The following FN1 variants were observed in gnomAD, a reference collection of about 807,000 sequenced individuals.
FN1 encodes fibronectin 1.
In FN1, 106 loss-of-function variants were observed where a neutral mutation model predicts 297.3. The observed-to-expected ratio is 0.36, with a 90% CI of 0.30 to 0.42. The LOEUF (loss-of-function observed/expected upper bound fraction) is 0.42. FN1 is among the 10% of genes least tolerant of loss of function. FN1 has a pLI of 1.00. For synonymous variants in FN1, 1,149 were observed against 1,152.6 expected, an observed-to-expected ratio of 1.00 and a Z score of 0.06; for missense variants, 2,690 against 3,124.9, an observed-to-expected ratio of 0.86 and a Z score of 3.32.
intron 32 of FN1, chr2:215,381,738 C>T: frequency 4.7e-6 from 1 of 213,276 alleles, no homozygotes; most frequent in East Asian, 1.2e-4. Flanking sequence ...TCCCAAAATG[C>T]TGGGATTACA....
chr2:215,420,993 AT>A (rs567667480), intron 10 of FN1, 192 bp from the exon 11 acceptor site: 13 of 595,056 alleles, frequency 2.2e-5, no homozygotes, highest in African/African-American at 1.3e-4. Context: ...TGCCAAAAAA[AT>A]TTTTTTCTTC....
chr2:215,410,231 T>G (rs1318810277), intron 13 of FN1, 117 bp from the exon 14 acceptor site: 3 of 1,014,564 alleles, frequency 3.0e-6, no homozygotes, highest in African/African-American at 1.6e-5. Context: ...CTTAGGCAGC[T>G]CCATTCTAGA....
At position 215,372,696 on chromosome 2, in the gene FN1, TTC is replaced by T. The variant is rs148921427; in HGVS notation, c.6248-323_6248-322del. Among the ~76,000 whole-genome samples the T allele has an allele frequency of 0.03, 4,569 of 152,324 alleles. 224 individuals are homozygous for T. Among genetic ancestry groups the T allele is most frequent in the African/African-American group, 0.11 (4,364 of 41,550 alleles). On this transcript the variant is annotated intron_variant, in intron 39 of 45. Transcript: ENST00000354785. ...GAACTGAAATGTGCAGTCTTTCTCT[TTC>T]TCTCTTTCTTTTTTAAATTTGAGAA...
Position 215,383,949 on chromosome 2 carries a change from C to T in FN1, c.4894+71G>A, listed in dbSNP as rs561037186. 38 of 1,536,628 alleles carry T rather than the reference C, an allele frequency of 2.5e-5. No homozygotes were observed. The South Asian group carries it at 3.8e-4, about 15-fold the overall frequency. On this transcript the variant is annotated intron_variant, in intron 30 of 45. Transcript: ENST00000354785. ...ATCTATTCTACAATTAGAAAAATAC[C>T]TTGGGAGAACATTGCAAAACAGTAT...
intron 40 of FN1, 33 bp downstream of exon 40, chr2:215,371,876 G>A: frequency 6.4e-7 from 1 of 1,559,982 alleles, no homozygotes; most frequent in Non-Finnish European, 8.8e-7. Flanking sequence ...TTTCTGTGCT[G>A]CCCCATGAGA....
chr2:215,369,005 A>G (rs1274389929), intron 41 of FN1, among the ~76,000 whole-genome samples: 3 of 152,170 alleles, frequency 2.0e-5, no homozygotes, highest in African/African-American at 7.2e-5. Context: ...AAAAGGTGTC[A>G]CCCTTAAAGA....
intron 32 of FN1, chr2:215,381,294 T>C: frequency 1.7e-6 from 1 of 597,538 alleles, no homozygotes; most frequent in Non-Finnish European, 3.0e-6. Context: ...TAGGTGTATG[T>C]GAGATAAGCA....
At chr2:215,387,047 G>A (rs2059119479) in intron 27 of FN1, 89 bp from the exon 28 acceptor site, 3 of 1,198,472 alleles carry the variant, frequency 2.5e-6, no homozygotes, top group East Asian at 2.6e-5. Context: ...GGAAATTAAC[G>A]TACATCCAAC....
intron 24 of FN1, 45 bp downstream of exon 24, chr2:215,394,483 T>C (rs889016773): frequency 1.4e-6 from 2 of 1,463,492 alleles, no homozygotes; most frequent in Admixed American, 1.7e-5. Flanking sequence ...TCCCCACTCT[T>C]ATTGGAAGTG....
At chr2:215,423,749 A>C (rs1180135520) in intron 8 of FN1, among the ~76,000 whole-genome samples, 1 of 150,850 alleles carries the variant, frequency 6.6e-6, no homozygotes, top group East Asian at 2.0e-4. Context: ...TTTCCCCAGC[A>C]CCCCCCCCAC....
At position 215,393,087 on chromosome 2, in the gene FN1, C is replaced by A. The variant is rs765073410; in HGVS notation, c.3913G>T (p.Ala1305Ser). 7.4e-6 allele frequency: 12 copies of A among 1,613,958 alleles called. No individual in the cohort carries two copies. Among genetic ancestry groups the A allele is most frequent in the South Asian group, 4.4e-5 (4 of 91,086 alleles). The change falls in exon 25 of 46, where the codon GCA becomes TCA. Residue 1305 changes from alanine to serine, a missense_variant. Ala to Ser is a moderately conservative substitution (Grantham distance 99). Transcript: ENST00000354785. ...IIGYRITVVA[A>S]GEGIPIFEDF... is the part of the protein sequence containing the mutation. ...TCAAAAATAGGGATACCTTCTCCTG[C>A]CGCAACTACTGTGATGCGGTACCCA... is the stretch of plus-strand genomic sequence containing the variant.
chr2:215,401,210 G>GA (rs773103350), intron 20 of FN1, among the ~76,000 whole-genome samples: 3 of 32,680 alleles, frequency 9.2e-5, no homozygotes, highest in African/African-American at 3.9e-4. Flanking sequence ...AAGAAAGAAA[G>GA]AAAGAAAGAA....
At chr2:215,393,889 A>G (rs953044425) in intron 24 of FN1, among the ~76,000 whole-genome samples, 1 of 152,226 alleles carries the variant, frequency 6.6e-6, no homozygotes, top group African/African-American at 2.4e-5. Flanking sequence ...GATCTGTCCA[A>G]TGCTTTCATT....
At chr2:215,384,305 TA>T (rs2058617969) in intron 29 of FN1, 121 bp from the exon 30 acceptor site, 2 of 964,292 alleles carry the variant, frequency 2.1e-6, no homozygotes, top group Admixed American at 3.7e-5. Flanking sequence ...TATTCCCTTT[TA>T]AAGAGCGCTA....
intron 25 of FN1, chr2:215,392,488 T>A (rs2106083466): frequency 4.7e-6 from 1 of 214,764 alleles, no homozygotes; most frequent in Non-Finnish European, 9.5e-6. Context: ...TTTTGATGGG[T>A]TTTTAGCTAC....
intron 12 of FN1, among the ~76,000 whole-genome samples, chr2:215,415,261 G>A (rs1289966891): frequency 1.3e-5 from 2 of 152,082 alleles, no homozygotes; most frequent in Non-Finnish European, 2.9e-5. Flanking sequence ...ATCAAAGTAA[G>A]AATTGTGAGA....
intron 25 of FN1, chr2:215,392,334 G>A (rs2059799054): frequency 5.4e-6 from 1 of 184,640 alleles, no homozygotes; most frequent in Non-Finnish European, 1.1e-5. Flanking sequence ...ATGCACAGCA[G>A]AGAACCTTTA....
At chr2:215,408,248 C>T in intron 16 of FN1, 50 bp downstream of exon 16, 4 of 1,613,726 alleles carry the variant, frequency 2.5e-6, no homozygotes, top group Non-Finnish European at 3.4e-6. Flanking sequence ...TACTACAGGC[C>T]TGTGTTTTAC....
chr2:215,413,603 G>A (rs2063004401), intron 13 of FN1, among the ~76,000 whole-genome samples: 1 of 152,102 alleles, frequency 6.6e-6, no homozygotes, highest in South Asian at 2.1e-4. Context: ...TGTATTGGCT[G>A]TCCTCTAAGC....
Sources: gnomAD v4.1 joint callset for allele counts (sites outside exome capture counted in the v4.1 genomes callset) on GRCh38, gnomAD v4.1.1 for gene constraint, MANE v1.5 for transcripts, NCBI Gene and HGNC (gene_info 2026-07-23, HGNC 2026-07-21) for gene names.